The following NCKAP5 variants were observed in gnomAD, a reference collection of about 807,000 sequenced individuals.
NCKAP5 encodes NCK associated protein 5.
Under a neutral mutation model 167.0 loss-of-function variants are expected in NCKAP5, and 92 were observed. The ratio of observed to expected loss-of-function variants is 0.55; its 90% confidence interval spans 0.47 to 0.66. The LOEUF is 0.66. NCKAP5 is among the 30% of genes least tolerant of loss of function. The pLI, the probability that NCKAP5 is intolerant of heterozygous loss-of-function variation, is 0.00. For synonymous variants in NCKAP5, 891 were observed against 877.4 expected (o/e 1.02, Z -0.27); for missense variants, 2,378 against 2,315.0 (o/e 1.03, Z -0.56).
intron 16 of NCKAP5, among the ~76,000 whole-genome samples, chr2:132,733,094 C>A (rs1397880975): frequency 1.3e-5 from 2 of 152,172 alleles, no homozygotes; most frequent in African/African-American, 4.8e-5. Context: ...GTGTCAGCTG[C>A]AAAACATTTT....
intron 7 of NCKAP5, among the ~76,000 whole-genome samples, chr2:132,981,183 AT>A (rs2077129685): frequency 6.6e-6 from 1 of 152,228 alleles, no homozygotes; most frequent in South Asian, 2.1e-4. Flanking sequence ...CAATGGAATC[AT>A]CATGAATGAG....
chr2:133,217,340 G>T (rs2086474596), intron 4 of NCKAP5, among the ~76,000 whole-genome samples: 1 of 151,962 alleles, frequency 6.6e-6, no homozygotes, highest in Non-Finnish European at 1.5e-5. Flanking sequence ...CAGAAACACT[G>T]CCAGAACACC....
At chr2:132,949,532 T>C (rs1176313534) in intron 8 of NCKAP5, among the ~76,000 whole-genome samples, 1 of 152,170 alleles carries the variant, frequency 6.6e-6, no homozygotes, top group Non-Finnish European at 1.5e-5. Flanking sequence ...GTTTCCCCTC[T>C]GCCCCTTCCT....
intron 8 of NCKAP5, among the ~76,000 whole-genome samples, chr2:132,953,240 G>A (rs1410849604): frequency 2.6e-5 from 4 of 152,166 alleles, no homozygotes; most frequent in Non-Finnish European, 4.4e-5. Context: ...CCTTGAGGCT[G>A]TTTCAGGCTT....
At chr2:132,893,293 G>A (rs773679685) in intron 8 of NCKAP5, among the ~76,000 whole-genome samples, 5 of 152,118 alleles carry the variant, frequency 3.3e-5, no homozygotes, top group African/African-American at 1.2e-4. Context: ...ACCCAGCAAC[G>A]CCATTGCTAG....
At chr2:133,241,801 T>C (rs1348592013) in intron 4 of NCKAP5, among the ~76,000 whole-genome samples, 1 of 152,120 alleles carries the variant, frequency 6.6e-6, no homozygotes, top group East Asian at 1.9e-4. Flanking sequence ...ATGGGTGATA[T>C]GCATGTAGGG....
At chr2:132,727,651 C>T (rs754140404) in intron 18 of NCKAP5, among the ~76,000 whole-genome samples, 2 of 152,208 alleles carry the variant, frequency 1.3e-5, no homozygotes, top group Admixed American at 6.5e-5. Context: ...CAGCAGTTTC[C>T]TCCTTTGCCT....
the NCKAP5 span, among the ~76,000 whole-genome samples, chr2:133,657,090 C>T: frequency 2.1e-4 from 32 of 152,370 alleles, no homozygotes; most frequent in East Asian, 6.2e-3. Context: ...CTGGAGATGT[C>T]TTTTATTTCT....
At chr2:133,171,929 ATTC>A (rs2084265552) in intron 5 of NCKAP5, among the ~76,000 whole-genome samples, 1 of 152,234 alleles carries the variant, frequency 6.6e-6, no homozygotes, top group South Asian at 2.1e-4. Flanking sequence ...TGCTAACAGA[ATTC>A]TTCTGGGGAA....
intron 4 of NCKAP5, among the ~76,000 whole-genome samples, chr2:133,215,257 T>C (rs1223587408): frequency 6.6e-6 from 1 of 152,118 alleles, no homozygotes; most frequent in Non-Finnish European, 1.5e-5. Context: ...ATCAAATAAG[T>C]TCAATGAAAA....
intron 5 of NCKAP5, among the ~76,000 whole-genome samples, chr2:133,176,480 G>A (rs1199038523): frequency 2.0e-5 from 3 of 151,708 alleles, no homozygotes; most frequent in Non-Finnish European, 4.4e-5. Flanking sequence ...AAATATACTT[G>A]CTTTAAGGTT....
At chr2:133,585,079 G>A in the NCKAP5 span, among the ~76,000 whole-genome samples, 1 of 152,012 alleles carries the variant, frequency 6.6e-6, no homozygotes, top group South Asian at 2.1e-4. Flanking sequence ...ATTTTTCTGG[G>A]CTATAGTAAT....
chr2:133,486,149 T>A (rs1478291655), intron 3 of NCKAP5, among the ~76,000 whole-genome samples: 2 of 152,160 alleles, frequency 1.3e-5, no homozygotes, highest in African/African-American at 2.4e-5. Context: ...ACGGAATAGA[T>A]CACACAGAAG....
intron 8 of NCKAP5, among the ~76,000 whole-genome samples, chr2:132,907,013 T>C (rs1459510412): frequency 6.6e-6 from 1 of 152,220 alleles, no homozygotes; most frequent in Non-Finnish European, 1.5e-5. Flanking sequence ...GATTGTGACT[T>C]TTGTACCATA....
intron 5 of NCKAP5, among the ~76,000 whole-genome samples, chr2:133,142,282 A>T (rs560483590): frequency 6.6e-6 from 1 of 152,300 alleles, no homozygotes; most frequent in East Asian, 1.9e-4. Flanking sequence ...CACAGTCACC[A>T]GAGGAAGCAA....
Position 132,731,874 on chromosome 2 carries a change from A to G in NCKAP5, c.5306T>C (p.Leu1769Pro). 6.2e-7 allele frequency: 1 copy of G among 1,613,868 alleles called. No homozygotes were observed. The highest frequency in any genetic ancestry group is 1.1e-5 in the South Asian group (1 of 91,070). ...SAVSSMRAQT[L>P]EREVPSSTDG... is the part of the protein sequence containing the mutation. ...TGTGGAGGAAGGCACTTCACGTTCA[A>G]GGGTTTGGGCTCTCATGGAAGAAAC... Residue 1769 changes from leucine (L) to proline (P), a missense_variant, in exon 17 of 20, where the codon CTT becomes CCT. Leu to Pro is a moderately conservative substitution (Grantham distance 98, BLOSUM62 -3). Coordinates refer to ENST00000409261, the MANE Select transcript of NCKAP5 (RefSeq NM_207363.3).
At chr2:133,057,125 C>G (rs1191059350) in intron 6 of NCKAP5, among the ~76,000 whole-genome samples, 1 of 152,162 alleles carries the variant, frequency 6.6e-6, no homozygotes, top group East Asian at 1.9e-4. Flanking sequence ...TATAAGACAG[C>G]TAATTTAATC....
At chr2:133,202,645 A>G (rs1266087894) in intron 5 of NCKAP5, among the ~76,000 whole-genome samples, 1 of 152,220 alleles carries the variant, frequency 6.6e-6, no homozygotes, top group Non-Finnish European at 1.5e-5. Context: ...CCATCTGACA[A>G]AGGGCTAATA....
chr2:132,905,811 T>C (rs1032409260), intron 8 of NCKAP5, among the ~76,000 whole-genome samples: 1 of 152,158 alleles, frequency 6.6e-6, no homozygotes, highest in Non-Finnish European at 1.5e-5. Context: ...TCTTTATCCG[T>C]TCTAATGCTC....
Sources: allele counts gnomAD v4.1 joint callset (sites outside exome capture counted in the v4.1 genomes callset), GRCh38; gene constraint gnomAD v4.1.1; transcripts MANE v1.5; gene names NCBI Gene and HGNC (gene_info 2026-07-23, HGNC 2026-07-21).